GARNL3: variants seen among roughly 807,000 people sequenced by gnomAD.
The protein encoded by GARNL3 is GTPase-activating Rap/Ran-GAP domain-like protein 3.
GARNL3 carries 63 observed loss-of-function variants against 125.0 expected under a neutral mutation model. That is an observed-to-expected ratio of 0.50 (90% CI 0.41 to 0.62). The LOEUF (loss-of-function observed/expected upper bound fraction) is 0.62, where lower values mean the gene tolerates loss of function less well. GARNL3 is among the 20% of genes least tolerant of loss of function. The probability of loss-of-function intolerance (pLI) is 0.00; values close to 1 mark genes in which losing one functional copy is unlikely to be tolerated. For synonymous variants in GARNL3, 439 were observed against 457.5 expected (o/e 0.96, Z 0.52); for missense variants, 994 against 1,244.0 (o/e 0.80, Z 3.02).
intron 17 of GARNL3, among the ~76,000 whole-genome samples, chr9:127,349,402 C>G (rs1464944353): frequency 6.6e-6 from 1 of 151,500 alleles, no homozygotes; most frequent in East Asian, 1.9e-4. Flanking sequence ...CATTCCCTCT[C>G]TCGAAGTCTT....
At chr9:127,348,012 G>T (rs1830231447) in intron 16 of GARNL3, among the ~76,000 whole-genome samples, 1 of 152,196 alleles carries the variant, frequency 6.6e-6, no homozygotes, top group Non-Finnish European at 1.5e-5. Flanking sequence ...GTATGCAAAT[G>T]CATGTTTGCT....
intron 2 of GARNL3, among the ~76,000 whole-genome samples, chr9:127,303,708 T>TA (rs1399499512): frequency 8.5e-5 from 13 of 152,338 alleles, no homozygotes; most frequent in Admixed American, 7.2e-4. Flanking sequence ...TGGATACCAT[T>TA]TGTATTCTGA....
intron 17 of GARNL3, among the ~76,000 whole-genome samples, chr9:127,350,723 CCAAGATCGCAG>C (rs1395646299): frequency 6.6e-6 from 1 of 151,842 alleles, no homozygotes; most frequent in Non-Finnish European, 1.5e-5. Context: ...TTGCAGTGAG[CCAAGATCGCAG>C]CACTGCACTC....
intron 1 of GARNL3, among the ~76,000 whole-genome samples, chr9:127,277,252 CAAGT>C (rs992465689): frequency 2.6e-5 from 4 of 151,996 alleles, no homozygotes; most frequent in African/African-American, 7.2e-5. Context: ...TGAAGAAATA[CAAGT>C]AAGAAAAGAA....
intron 22 of GARNL3, among the ~76,000 whole-genome samples, chr9:127,383,183 G>T (rs1006079954): frequency 6.6e-6 from 1 of 152,182 alleles, no homozygotes; most frequent in Non-Finnish European, 1.5e-5. Flanking sequence ...ATGGGATAAT[G>T]GCTTTAAAGC....
intron 1 of GARNL3, among the ~76,000 whole-genome samples, chr9:127,232,407 C>T (rs1237335102): frequency 6.6e-6 from 1 of 152,112 alleles, no homozygotes; most frequent in African/African-American, 2.4e-5. Flanking sequence ...CTCCTGGGCT[C>T]GATGATCCTC....
intron 25 of GARNL3, 22 bp downstream of exon 25, chr9:127,387,353 T>G: frequency 6.3e-7 from 1 of 1,591,994 alleles, no homozygotes; most frequent in Non-Finnish European, 8.6e-7. Flanking sequence ...GTTTTACTGT[T>G]TTATTAATAT....
rs534232741 is a variant in GARNL3, at chr9:127,249,818, G to A, written c.143+6569G>A. Among the ~76,000 whole-genome samples the A allele has an allele frequency of 3.0e-3, 454 of 152,104 alleles. 4 individuals are homozygous for A. The highest frequency in any genetic ancestry group is 0.01 in the African/African-American group (429 of 41,484). ...AGGTCAGGAGTTTGAGACCAGCCTG[G>A]CCAACATGGTGAAACCCCGTCTCTA... is the stretch of plus-strand genomic sequence containing the variant. On this transcript the variant is annotated intron_variant, in intron 2 of 10. Coordinates refer to the GARNL3 transcript ENST00000439286.
At chr9:127,253,636 A>G (rs2063445270) in intron 2 of GARNL3, among the ~76,000 whole-genome samples, 1 of 152,152 alleles carries the variant, frequency 6.6e-6, no homozygotes, top group African/African-American at 2.4e-5. Flanking sequence ...AGCAAATGAA[A>G]GGGAATAGGA....
rs1008208876 is a variant in GARNL3, at chr9:127,225,344, G to C, written c.-29+1006G>C. 4 of 984,740 alleles carry C rather than the reference G, an allele frequency of 4.1e-6. No individual in the cohort carries two copies. The African/African-American group carries it at 7.0e-5, about 17-fold the overall frequency. The allele number at this position is 984,740 out of a possible 1,614,324, so 61.0% of individuals were successfully genotyped here. Reference sequence around the variant, plus strand: ...CGGAGCCCGGCGGGGTGGCCGCTGCGCTCCTGCGGCAGAAGAGGGCGGCGC... The same window carrying C: ...CGGAGCCCGGCGGGGTGGCCGCTGCCCTCCTGCGGCAGAAGAGGGCGGCGC... On this transcript the variant is annotated intron_variant, in intron 1 of 10. Coordinates refer to the GARNL3 transcript ENST00000439286.
chr9:127,344,369 A>G, intron 15 of GARNL3, 30 bp downstream of exon 15: 1 of 1,468,708 alleles, frequency 6.8e-7, no homozygotes, highest in Non-Finnish European at 9.5e-7. Flanking sequence ...CTTTTCTGCG[A>G]GACATGTAGT....
intron 1 of GARNL3, among the ~76,000 whole-genome samples, chr9:127,272,614 G>A (rs932914219): frequency 1.3e-5 from 2 of 151,868 alleles, no homozygotes; most frequent in African/African-American, 4.8e-5. Context: ...TGAGTAGCTG[G>A]GACTACAGGT....
chr9:127,389,354 G>T (rs932110732), intron 26 of GARNL3, among the ~76,000 whole-genome samples: 13 of 152,146 alleles, frequency 8.5e-5, no homozygotes, highest in Admixed American at 7.2e-4. Flanking sequence ...CCATGTGAAG[G>T]GGGGAAATGG....
chr9:127,349,522 A>G (rs536529809), intron 17 of GARNL3, among the ~76,000 whole-genome samples: 2 of 152,322 alleles, frequency 1.3e-5, no homozygotes, highest in Admixed American at 1.3e-4. Context: ...GATTTTGACA[A>G]GGAGACAGAT....
rs933983566 is a variant in GARNL3 at position 127,297,156 on chromosome 9, A to G, written c.219+5914A>G. Among the ~76,000 whole-genome samples the G allele has an allele frequency of 6.6e-5, 10 of 152,040 alleles. 1 individual carries two copies. The highest frequency in any genetic ancestry group is 6.5e-4 in the Admixed American group (10 of 15,268). On this transcript the variant is annotated intron_variant, in intron 2 of 27. Transcript: ENST00000373387. ...TTTTCTTTTTCTTTTCTTTTTTGAG[A>G]CACGGTCTCCCTCCCTCTGTCACCT...
At chr9:127,319,793 C>T (rs931837618) in intron 5 of GARNL3, among the ~76,000 whole-genome samples, 3 of 152,122 alleles carry the variant, frequency 2.0e-5, no homozygotes, top group African/African-American at 7.2e-5. Context: ...ACTCTAGCTC[C>T]TTTCTTCTTT....
At chr9:127,338,578 A>G (rs1289366949) in intron 12 of GARNL3, among the ~76,000 whole-genome samples, 1 of 152,212 alleles carries the variant, frequency 6.6e-6, no homozygotes, top group Non-Finnish European at 1.5e-5. Context: ...TGAGGCTTTG[A>G]AAAAAATGTT....
At chr9:127,261,708 C>T (rs888295229), upstream of GARNL3, among the ~76,000 whole-genome samples, 3 of 152,170 alleles carry the variant, frequency 2.0e-5, no homozygotes, top group East Asian at 1.9e-4. Flanking sequence ...CCACCGCGCC[C>T]GGCCTTCATG....
chr9:127,291,869 C>T (rs2064431877), intron 2 of GARNL3, among the ~76,000 whole-genome samples: 1 of 151,690 alleles, frequency 6.6e-6, no homozygotes, highest in African/African-American at 2.4e-5. Context: ...AGCTCTAGTT[C>T]CCTGACCCTG....
Sources: gnomAD v4.1 joint callset for allele counts (sites outside exome capture counted in the v4.1 genomes callset) on GRCh38, gnomAD v4.1.1 for gene constraint, MANE v1.5 for transcripts, NCBI Gene and HGNC (gene_info 2026-07-23, HGNC 2026-07-21) for gene names.